The following MAML2 variants were observed in gnomAD, a reference collection of about 807,000 sequenced individuals.
MAML2 encodes the protein mastermind like transcriptional coactivator 2.
In MAML2, 22 loss-of-function variants were observed where a neutral mutation model predicts 96.1. The ratio of observed to expected loss-of-function variants is 0.23; its 90% CI spans 0.16 to 0.33. The LOEUF (loss-of-function observed/expected upper bound fraction) is 0.33, where lower values mean the gene tolerates loss of function less well. MAML2 is among the 10% of genes least tolerant of loss of function. MAML2 has a pLI of 1.00. For missense variants in MAML2, 1,367 were observed against 1,392.4 expected, an observed-to-expected ratio of 0.98 and a Z score of 0.29; for synonymous variants, 561 against 521.3, an observed-to-expected ratio of 1.08 and a Z score of -1.04.
intron 1 of MAML2, among the ~76,000 whole-genome samples, chr11:96,200,583 C>T (rs1025689757): frequency 1.2e-4 from 19 of 152,216 alleles, no homozygotes; most frequent in African/African-American, 4.3e-4. Flanking sequence ...TAGTGTGTCC[C>T]TCACAGCAAC....
intron 1 of MAML2, among the ~76,000 whole-genome samples, chr11:96,276,643 T>C (rs977150607): frequency 3.9e-5 from 6 of 151,968 alleles, no homozygotes; most frequent in Non-Finnish European, 8.8e-5. Flanking sequence ...TGGATCCACG[T>C]AGTTAAATGG....
At chr11:95,984,995 A>G (rs1377276315) in intron 4 of MAML2, among the ~76,000 whole-genome samples, 3 of 152,196 alleles carry the variant, frequency 2.0e-5, no homozygotes, top group Admixed American at 2.0e-4. Context: ...TTATACTGAG[A>G]GAGCTATTAA....
intron 1 of MAML2, among the ~76,000 whole-genome samples, chr11:96,274,177 G>A (rs1235073225): frequency 6.6e-6 from 1 of 151,172 alleles, no homozygotes; most frequent in Non-Finnish European, 1.5e-5. Flanking sequence ...CCGCCTCGCG[G>A]GTTCACGCCA....
chr11:96,017,391 T>TTCCC (rs527767459), intron 2 of MAML2, among the ~76,000 whole-genome samples: 105 of 98,906 alleles, frequency 1.1e-3, no homozygotes, highest in Middle Eastern at 4.4e-3. Flanking sequence ...CTTTTCTCCC[T>TTCCC]TCCCTCCCTC....
At position 96,018,364 on chromosome 11, in the gene MAML2, A is replaced by G. The variant is rs550893105; in HGVS notation, c.2140-26641T>C. On this transcript the variant is annotated intron_variant, in intron 2 of 4. Coordinates refer to ENST00000524717, the MANE Select transcript of MAML2 (RefSeq NM_032427.4). ...GTTCAGGAGAGAAATATAGACTAGA[A>G]ATAGAAATTTAGGAGTTGTCAGCAT... is the stretch of plus-strand genomic sequence containing the variant. 3.2e-3 allele frequency among the ~76,000 whole-genome samples: 490 copies of G among 152,282 alleles called. 4 individuals are homozygous for G. The highest frequency in any genetic ancestry group is 0.028 in the South Asian group (134 of 4,816).
rs904725079 is a variant in MAML2 at position 96,318,375 on chromosome 11, C to G, written c.513+23008G>C. ...TATGATCGGACCCCAAACCTTATTT[C>G]TTAAGTTAATATACTTTACTTCCTC... On this transcript the variant is annotated intron_variant, in intron 1 of 4. Transcript: ENST00000524717. Among the ~76,000 whole-genome samples, 4 of 152,166 alleles carry G rather than the reference C, an allele frequency of 2.6e-5. No homozygotes were observed. The East Asian group carries it at 7.7e-4, about 29-fold the overall frequency.
chr11:96,116,652 G>A (rs1398740305), intron 1 of MAML2, among the ~76,000 whole-genome samples: 1 of 152,216 alleles, frequency 6.6e-6, no homozygotes, highest in South Asian at 2.1e-4. Flanking sequence ...AAGAAGGTGG[G>A]AAAACAAATC....
rs553735852 is a variant in MAML2 at position 96,020,992 on chromosome 11, G to T, written c.2140-29269C>A. On this transcript the variant is annotated intron_variant, in intron 2 of 4. Transcript: ENST00000524717. ...TAGAAGGAAATAGGGGATAAATAGT[G>T]CTAGGAATTATGGATTTCTTCCCTT... Among the ~76,000 whole-genome samples the T allele has an allele frequency of 2.0e-5, 3 of 152,286 alleles. No individual in the cohort carries two copies. In the East Asian group the frequency reaches 5.8e-4, roughly 29 times the overall value.
At chr11:96,036,717 A>C (rs766423919) in intron 2 of MAML2, among the ~76,000 whole-genome samples, 43 of 152,072 alleles carry the variant, frequency 2.8e-4, no homozygotes, top group Non-Finnish European at 4.9e-4. Context: ...TGTAAAAATA[A>C]CTCCGGGGCT....
At chr11:96,202,595 A>G (rs543087798) in intron 1 of MAML2, among the ~76,000 whole-genome samples, 1 of 152,062 alleles carries the variant, frequency 6.6e-6, no homozygotes, top group African/African-American at 2.4e-5. Flanking sequence ...TAGAGATAGG[A>G]TCCATTAAGT....
chr11:96,254,995 A>AT (rs1219654967), intron 1 of MAML2, among the ~76,000 whole-genome samples: 2,260 of 147,944 alleles, frequency 0.015, 24 homozygotes, highest in Non-Finnish European at 0.022. Flanking sequence ...TTTTTTTGGC[A>AT]TTTTTTTTTT....
chr11:96,315,469 C>T lies in MAML2; in HGVS notation c.513+25914G>A, dbSNP rs556906125. Among the ~76,000 whole-genome samples the T allele has an allele frequency of 7.1e-4, 108 of 152,282 alleles. No homozygotes were observed. In the Middle Eastern group the frequency reaches 0.01, roughly 14 times the overall value. ...CCACTTACCGTATAAAGTAGAAGTACATTTTATTTATTCCAATGCTATCTC... is the reference window on the plus strand; with the variant it reads ...CCACTTACCGTATAAAGTAGAAGTATATTTTATTTATTCCAATGCTATCTC... On this transcript the variant is annotated intron_variant, in intron 1 of 4. Coordinates refer to ENST00000524717, the MANE Select transcript of MAML2 (RefSeq NM_032427.4).
At chr11:96,087,611 G>A (rs900139182) in intron 2 of MAML2, among the ~76,000 whole-genome samples, 1 of 152,244 alleles carries the variant, frequency 6.6e-6, no homozygotes, top group Non-Finnish European at 1.5e-5. Context: ...ACCCTTGACC[G>A]CAGGTATGTC....
chr11:95,993,039 G>T (rs1857937093), intron 2 of MAML2, among the ~76,000 whole-genome samples: 1 of 151,796 alleles, frequency 6.6e-6, no homozygotes, highest in Non-Finnish European at 1.5e-5. Flanking sequence ...GCGCCACCTG[G>T]CTAATTTTTA....
At chr11:96,316,078 G>C (rs1863628775) in intron 1 of MAML2, among the ~76,000 whole-genome samples, 1 of 152,336 alleles carries the variant, frequency 6.6e-6, no homozygotes, top group East Asian at 1.9e-4. Flanking sequence ...ATCTGGGTAA[G>C]TGGGTCACTT....
intron 1 of MAML2, among the ~76,000 whole-genome samples, chr11:96,236,985 C>G (rs1862374937): frequency 2.0e-5 from 3 of 152,194 alleles, no homozygotes; most frequent in African/African-American, 7.2e-5. Context: ...CTGCTTTTCT[C>G]TTTCTGACAG....
intron 1 of MAML2, among the ~76,000 whole-genome samples, chr11:96,295,627 CTGAG>C (rs1005299092): frequency 6.2e-4 from 94 of 152,020 alleles, no homozygotes; most frequent in African/African-American, 2.1e-3. Flanking sequence ...AAAATCCCAA[CTGAG>C]TATTAAACTA....
At chr11:96,202,848 G>T (rs1028019003) in intron 1 of MAML2, among the ~76,000 whole-genome samples, 4 of 152,022 alleles carry the variant, frequency 2.6e-5, no homozygotes, top group Non-Finnish European at 5.9e-5. Flanking sequence ...GGCTGGTCTC[G>T]AATTGCTGAC....
rs1555037073 is a variant in MAML2, at chr11:96,299,060, A to AATATAT, written c.513+42317_513+42322dup. ...AGTCCATCTCAAAAAAAAAAAAAAA[A>AATATAT]ATATATATATATATATATATAAAAT... On this transcript the variant is annotated intron_variant, in intron 1 of 4. Coordinates refer to ENST00000524717, the MANE Select transcript of MAML2 (RefSeq NM_032427.4). Among the ~76,000 whole-genome samples, 310 of 56,230 alleles carry AATATAT rather than the reference A, an allele frequency of 5.5e-3. 5 individuals are homozygous for AATATAT. Among genetic ancestry groups the AATATAT allele is most frequent in the Middle Eastern group, 0.011 (1 of 92 alleles). 36.9% of individuals were successfully genotyped at this position (56,230 alleles called of 152,430 possible). A position where few individuals can be genotyped will look rare whatever the true frequency, so the allele number is the denominator to read the frequency against.
Sources: gnomAD v4.1 joint callset for allele counts (sites outside exome capture counted in the v4.1 genomes callset) on GRCh38, gnomAD v4.1.1 for gene constraint, MANE v1.5 for transcripts, NCBI Gene and HGNC (gene_info 2026-07-23, HGNC 2026-07-21) for gene names.